TET1: variants seen among roughly 807,000 people sequenced by gnomAD.
The protein encoded by TET1 is tet methylcytosine dioxygenase 1.
Under a neutral mutation model 148.7 loss-of-function variants are expected in TET1, and 13 were observed. The ratio of observed to expected loss-of-function variants is 0.09; its 90% CI spans 0.06 to 0.14. The LOEUF (loss-of-function observed/expected upper bound fraction) is 0.14, where lower values mean the gene tolerates loss of function less well. TET1 is among the 10% of genes least tolerant of loss of function. The pLI, the probability that TET1 is intolerant of heterozygous loss-of-function variation, is 1.00. For missense variants in TET1, 2,182 were observed against 2,553.8 expected, an observed-to-expected ratio of 0.85 and a Z score of 3.14; for synonymous variants, 907 against 937.2, an observed-to-expected ratio of 0.97 and a Z score of 0.59.
intron 3 of TET1, among the ~76,000 whole-genome samples, chr10:68,637,092 G>A (rs951473680): frequency 4.0e-5 from 6 of 151,540 alleles, no homozygotes; most frequent in East Asian, 3.9e-4. Context: ...TCCGCCTTCC[G>A]GGTTCAAGTG....
At chr10:68,579,395 C>T (rs2053767287) in intron 2 of TET1, among the ~76,000 whole-genome samples, 1 of 152,202 alleles carries the variant, frequency 6.6e-6, no homozygotes. Context: ...AGCGCTACCA[C>T]CTCTCCATTT....
intron 6 of TET1, among the ~76,000 whole-genome samples, chr10:68,663,608 G>A (rs2055153092): frequency 6.6e-6 from 1 of 151,998 alleles, no homozygotes; most frequent in Non-Finnish European, 1.5e-5. Context: ...GTTTCAAATA[G>A]GACTGTAGAA....
intron 2 of TET1, among the ~76,000 whole-genome samples, chr10:68,587,172 G>T (rs1252403373): frequency 6.6e-6 from 1 of 152,102 alleles, no homozygotes; most frequent in Non-Finnish European, 1.5e-5. Flanking sequence ...GGGTTTTGGT[G>T]TTTCTGCTGT....
At chr10:68,662,868 C>T (rs1357517187) in intron 6 of TET1, among the ~76,000 whole-genome samples, 1 of 152,130 alleles carries the variant, frequency 6.6e-6, no homozygotes, top group Non-Finnish European at 1.5e-5. Flanking sequence ...ATACAGTGAG[C>T]CATGATCAAA....
intron 2 of TET1, among the ~76,000 whole-genome samples, chr10:68,575,522 G>A (rs1219763334): frequency 6.6e-6 from 1 of 151,454 alleles, no homozygotes; most frequent in Non-Finnish European, 1.5e-5. Flanking sequence ...CCAACATGGG[G>A]TGAAACCCCA....
intron 7 of TET1, among the ~76,000 whole-genome samples, chr10:68,671,837 A>G (rs2055276460): frequency 6.6e-6 from 1 of 151,950 alleles, no homozygotes; most frequent in Non-Finnish European, 1.5e-5. Context: ...CTGGAGTGCC[A>G]TGGCACGATC....
At chr10:68,621,716 C>T (rs1329092485) in intron 3 of TET1, among the ~76,000 whole-genome samples, 1 of 152,100 alleles carries the variant, frequency 6.6e-6, no homozygotes, top group Non-Finnish European at 1.5e-5. Flanking sequence ...TGTAGTGAGA[C>T]TTTAATAAAA....
intron 2 of TET1, among the ~76,000 whole-genome samples, chr10:68,599,425 C>G (rs2132868084): frequency 6.6e-6 from 1 of 152,378 alleles, no homozygotes; most frequent in African/African-American, 2.4e-5. Context: ...CTCACCACAG[C>G]TGCCCTGCTC....
chr10:68,632,848 AAAAAG>A, intron 3 of TET1: 63 of 792,894 alleles, frequency 7.9e-5, no homozygotes, highest in Non-Finnish European at 8.9e-5. Flanking sequence ...AAAAAAAAAA[AAAAAG>A]AAAGAAAACA....
intron 5 of TET1, 73 bp from the exon 6 acceptor site, chr10:68,652,428 T>A: frequency 9.7e-7 from 1 of 1,030,538 alleles, no homozygotes; most frequent in Non-Finnish European, 1.4e-6. Context: ...TACATTAAGA[T>A]GTTCAAAGCC....
At position 68,692,014 on chromosome 10, in the gene TET1, T is replaced by A; in HGVS notation, c.*200T>A. The stretch of plus-strand genomic sequence containing the variant: ...GACAATTGGTAGAAGGTGCACATTT[T>A]AAGCAAAAATAAAAGTTTTATAGTT... On this transcript the variant is annotated 3_prime_UTR_variant, in exon 12 of 12. Coordinates refer to ENST00000373644, the MANE Select transcript of TET1 (RefSeq NM_030625.3). The A allele has an allele frequency of 1.7e-6, 1 of 572,102 alleles. No individual in the cohort carries two copies. Among genetic ancestry groups the A allele is most frequent in the East Asian group, 2.9e-5 (1 of 34,266 alleles). The allele number at this position is 572,102 out of a possible 1,614,324, so 35.4% of individuals were successfully genotyped here. A position where few individuals can be genotyped will look rare whatever the true frequency, so the allele number is the denominator to read the frequency against.
At chr10:68,648,126 C>G (rs539326804) in intron 4 of TET1, among the ~76,000 whole-genome samples, 8 of 152,140 alleles carry the variant, frequency 5.3e-5, no homozygotes, top group Non-Finnish European at 1.0e-4. Context: ...GATCCCTAAC[C>G]AATGTATTTC....
intron 2 of TET1, among the ~76,000 whole-genome samples, chr10:68,598,679 G>T (rs1432381729): frequency 6.9e-6 from 1 of 144,940 alleles, no homozygotes; most frequent in Non-Finnish European, 1.5e-5. Context: ...TATTCATTAG[G>T]TTTTTTTTTT....
rs1172274899 is a variant in TET1, at chr10:68,572,941, C to A, written c.603C>A (p.Ile201=). 6.2e-7 allele frequency: 1 copy of A among 1,613,978 alleles called. No homozygotes were observed. The highest frequency in any genetic ancestry group is 8.5e-7 in the Non-Finnish European group (1 of 1,180,026). The change falls in exon 2 of 12, where the codon ATC becomes ATA. Residue 201 remains isoleucine, a synonymous_variant. Transcript: ENST00000373644. ...FWSQRVEDSK[I]NIPTHSGPAA... ...CCCAAAGAGTTGAGGATTCCAAGAT[C>A]AATATCCCTACCCACAGTGGCCCTG...
rs767435262 is a variant in TET1, at chr10:68,690,999, G to C, written c.5596G>C (p.Ala1866Pro). 1.9e-6 allele frequency: 3 copies of C among 1,614,054 alleles called. No individual in the cohort carries two copies. The African/African-American group carries it at 4.0e-5, about 22-fold the overall frequency. ...SATPAPLKND[A>P]TASCGFSERS... ...CACACCAGCTCCACTGAAGAATGAC[G>C]CAACAGCCTCATGCGGGTTTTCAGA... is the stretch of plus-strand genomic sequence containing the variant. The change falls in exon 12 of 12, where the codon GCA becomes CCA. Residue 1866 changes from alanine to proline, a missense_variant. By Grantham distance (27) the Ala-to-Pro change is conservative. Around this residue, in one of 11 missense-constraint regions of TET1, gnomAD observed 380 missense variants for 387.9 expected, o/e 0.98. Coordinates refer to ENST00000373644, the MANE Select transcript of TET1 (RefSeq NM_030625.3).
At chr10:68,688,344 C>T (rs1043850348) in intron 11 of TET1, among the ~76,000 whole-genome samples, 5 of 151,846 alleles carry the variant, frequency 3.3e-5, no homozygotes, top group African/African-American at 9.7e-5. Context: ...GTGATCCACC[C>T]GCCTCGGCCT....
intron 2 of TET1, among the ~76,000 whole-genome samples, chr10:68,581,165 G>A (rs2132813407): frequency 6.6e-6 from 1 of 152,150 alleles, no homozygotes; most frequent in Admixed American, 6.5e-5. Context: ...TTCTTTAATT[G>A]TATGACAGTG....
At chr10:68,670,393 T>C (rs998889777) in intron 7 of TET1, among the ~76,000 whole-genome samples, 2 of 152,216 alleles carry the variant, frequency 1.3e-5, no homozygotes, top group Non-Finnish European at 2.9e-5. Context: ...GGTTTATCTG[T>C]TTCTTCCTGA....
chr10:68,611,749 G>A (rs2054216592), intron 3 of TET1, among the ~76,000 whole-genome samples: 2 of 148,062 alleles, frequency 1.4e-5, no homozygotes, highest in South Asian at 4.3e-4. Context: ...GCCCAGGCTG[G>A]AGTGTAATGG....
Sources: allele counts gnomAD v4.1 joint callset (sites outside exome capture counted in the v4.1 genomes callset), GRCh38; gene constraint gnomAD v4.1.1; regional missense constraint gnomAD v4.1.1; transcripts MANE v1.5; gene names NCBI Gene and HGNC (gene_info 2026-07-23, HGNC 2026-07-21).